The following PLXNA4 variants were observed in gnomAD, a reference collection of about 807,000 sequenced individuals.
The protein encoded by PLXNA4 is plexin-A4.
PLXNA4 carries 44 observed loss-of-function variants against 191.8 expected under a neutral mutation model. The ratio of observed to expected loss-of-function variants is 0.23; its 90% CI spans 0.18 to 0.29. The LOEUF (loss-of-function observed/expected upper bound fraction) is 0.29, where lower values mean the gene tolerates loss of function less well. PLXNA4 is among the 10% of genes least tolerant of loss of function. The probability of loss-of-function intolerance (pLI) is 1.00; values close to 1 mark genes in which losing one functional copy is unlikely to be tolerated. For synonymous variants in PLXNA4, 1,082 were observed against 1,009.5 expected, an observed-to-expected ratio of 1.07 and a Z score of -1.36; for missense variants, 1,800 against 2,488.8, an observed-to-expected ratio of 0.72 and a Z score of 5.89.
At chr7:132,564,022 CTCCTCCTCCTT>C (rs2116708131) in intron 1 of PLXNA4, among the ~76,000 whole-genome samples, 3 of 31,048 alleles carry the variant, frequency 9.7e-5, no homozygotes, top group African/African-American at 2.3e-4. Flanking sequence ...CCTCCTCCTT[CTCCTCCTCCTT>C]CTCCTCCTTT....
intron 3 of PLXNA4, among the ~76,000 whole-genome samples, chr7:132,354,942 T>C (rs1803639093): frequency 6.6e-6 from 1 of 152,198 alleles, no homozygotes; most frequent in East Asian, 1.9e-4. Context: ...TTTCTTCTAC[T>C]GGTCTTATTT....
rs368638967 is a variant in PLXNA4, at chr7:132,370,067, CA to C, written c.1372-71846del. 6.1e-3 allele frequency among the ~76,000 whole-genome samples: 682 copies of C among 111,038 alleles called. 2 individuals are homozygous for C. Among genetic ancestry groups the C allele is most frequent in the African/African-American group, 0.013 (440 of 33,692 alleles). The allele number at this position is 111,038 out of a possible 152,430, so 72.8% of individuals were successfully genotyped here. ...TGAGCGACAGAGTGAGACTCTGACTCAAAAAAAAAAAAAAAAAAGGTATGCA... is the reference window on the plus strand; with the variant it reads ...TGAGCGACAGAGTGAGACTCTGACTCAAAAAAAAAAAAAAAAAGGTATGCA... On this transcript the variant is annotated intron_variant, in intron 3 of 31. Transcript: ENST00000321063.
intron 3 of PLXNA4, among the ~76,000 whole-genome samples, chr7:132,324,971 G>A (rs1383410457): frequency 1.3e-5 from 2 of 152,138 alleles, no homozygotes; most frequent in African/African-American, 4.8e-5. Flanking sequence ...CAAAACAGAG[G>A]AGAGCAGCCT....
chr7:132,480,094 G>A (rs892438087), intron 3 of PLXNA4, among the ~76,000 whole-genome samples: 40 of 152,236 alleles, frequency 2.6e-4, no homozygotes, highest in African/African-American at 8.9e-4. Flanking sequence ...AAGCCAACAC[G>A]GCCTCAGGCC....
At chr7:132,506,020 G>T (rs1798451862) in intron 2 of PLXNA4, among the ~76,000 whole-genome samples, 1 of 152,080 alleles carries the variant, frequency 6.6e-6, no homozygotes, top group Non-Finnish European at 1.5e-5. Flanking sequence ...TTGCTGCCCT[G>T]CTTGGTCCAT....
intron 14 of PLXNA4, among the ~76,000 whole-genome samples, chr7:132,190,532 G>C (rs1271758513): frequency 6.6e-6 from 1 of 152,196 alleles, no homozygotes; most frequent in Non-Finnish European, 1.5e-5. Context: ...GAGAGGTCCA[G>C]GGCATTTTGT....
chr7:132,542,620 A>G (rs1396137150), intron 1 of PLXNA4, among the ~76,000 whole-genome samples: 2 of 152,190 alleles, frequency 1.3e-5, no homozygotes, highest in African/African-American at 4.8e-5. Flanking sequence ...TCTTTGTAGA[A>G]ATCCAATTAG....
intron 3 of PLXNA4, among the ~76,000 whole-genome samples, chr7:132,311,362 T>C (rs1801735518): frequency 6.6e-6 from 1 of 152,126 alleles, no homozygotes; most frequent in African/African-American, 2.4e-5. Context: ...CTTGCTTGTG[T>C]CACTTATATG....
chr7:132,492,518 C>G (rs1471087374), intron 2 of PLXNA4, among the ~76,000 whole-genome samples: 13 of 152,144 alleles, frequency 8.5e-5, no homozygotes, highest in South Asian at 2.1e-4. Context: ...GGCTTGGCTT[C>G]TCTCTCTCTG....
At chr7:132,405,305 A>T (rs1794172653) in intron 3 of PLXNA4, among the ~76,000 whole-genome samples, 1 of 152,114 alleles carries the variant, frequency 6.6e-6, no homozygotes, top group African/African-American at 2.4e-5. Flanking sequence ...TTGTACACTG[A>T]TGAGGCAGGA....
At chr7:132,631,752 G>A (rs1024997838) in intron 2 of PLXNA4, among the ~76,000 whole-genome samples, 1 of 152,174 alleles carries the variant, frequency 6.6e-6, no homozygotes, top group African/African-American at 2.4e-5. Flanking sequence ...TTCCTGGGAT[G>A]ATTAAATCTA....
rs769884340 is a variant in PLXNA4 at position 132,591,172 on chromosome 7, A to C, written c.-87+54756T>G. Among the ~76,000 whole-genome samples the C allele has an allele frequency of 6.4e-4, 98 of 152,320 alleles. 2 individuals are homozygous for C. Among genetic ancestry groups the C allele is most frequent in the Admixed American group, 5.9e-4 (9 of 15,300 alleles). On this transcript the variant is annotated intron_variant, in intron 2 of 4. Coordinates refer to the PLXNA4 transcript ENST00000378539. The stretch of plus-strand genomic sequence containing the variant: ...GTGTCATCCTCTGCAGATGCAATCA[A>C]CATGGAGAGCCGTGGAACAGGGGAT...
chr7:132,331,601 G>A (rs1417626083), intron 3 of PLXNA4, among the ~76,000 whole-genome samples: 1 of 152,208 alleles, frequency 6.6e-6, no homozygotes, highest in Non-Finnish European at 1.5e-5. Context: ...AGGTCCAAGT[G>A]AACAGCTCAC....
chr7:132,515,316 A>T (rs952401498), intron 1 of PLXNA4, among the ~76,000 whole-genome samples: 5 of 152,310 alleles, frequency 3.3e-5, no homozygotes, highest in Admixed American at 6.5e-5. Flanking sequence ...GCGACATCCT[A>T]TAAATGTCTC....
chr7:132,447,515 G>T (rs886712007), intron 3 of PLXNA4, among the ~76,000 whole-genome samples: 1 of 152,152 alleles, frequency 6.6e-6, no homozygotes, highest in Admixed American at 6.5e-5. Flanking sequence ...AGATAGAGGT[G>T]GGAAGGGGAC....
At chr7:132,585,150 C>T (rs1413383079) in intron 2 of PLXNA4, among the ~76,000 whole-genome samples, 1 of 152,146 alleles carries the variant, frequency 6.6e-6, no homozygotes, top group African/African-American at 2.4e-5. Flanking sequence ...CTGTTTGGCA[C>T]TAGATTGATT....
At chr7:132,144,854 C>CAAACAAACAAAATAACAAACAAA (rs1272305059) in intron 29 of PLXNA4, among the ~76,000 whole-genome samples, 2 of 152,228 alleles carry the variant, frequency 1.3e-5, no homozygotes, top group East Asian at 3.9e-4. Flanking sequence ...TCAGCTGGTT[C>CAAACAAACAAAATAACAAACAAA]AATAAATGTT....
intron 3 of PLXNA4, among the ~76,000 whole-genome samples, chr7:132,364,755 T>C (rs1804088030): frequency 6.6e-6 from 1 of 152,200 alleles, no homozygotes; most frequent in African/African-American, 2.4e-5. Flanking sequence ...TTTCATCCTG[T>C]GGTTGAGCTA....
chr7:132,484,299 G>A (rs1797453205), intron 3 of PLXNA4, among the ~76,000 whole-genome samples: 1 of 152,170 alleles, frequency 6.6e-6, no homozygotes, highest in Non-Finnish European at 1.5e-5. Flanking sequence ...TTCCCAGGCT[G>A]GAAAGACTAA....
Sources: allele counts gnomAD v4.1 joint callset (sites outside exome capture counted in the v4.1 genomes callset), GRCh38; gene constraint gnomAD v4.1.1; transcripts MANE v1.5; gene names NCBI Gene and HGNC (gene_info 2026-07-23, HGNC 2026-07-21).